The following MYRIP variants were observed in gnomAD, a reference collection of about 807,000 sequenced individuals.
MYRIP encodes myosin VIIA and Rab interacting protein, also known as rab effector MyRIP.
Under a neutral mutation model 98.0 loss-of-function variants are expected in MYRIP, and 49 were observed. The ratio of observed to expected loss-of-function variants is 0.50; its 90% CI spans 0.40 to 0.63. MYRIP has a LOEUF of 0.63. Among genes scored for constraint, MYRIP ranks in the 30% least tolerant of loss-of-function variants. The pLI is 0.00. For missense variants in MYRIP, 1,004 were observed against 1,058.2 expected (o/e 0.95, Z 0.71); for synonymous variants, 404 against 409.5 (o/e 0.99, Z 0.16).
intron 2 of MYRIP, among the ~76,000 whole-genome samples, chr3:40,042,843 C>G (rs374794366): frequency 6.6e-6 from 1 of 152,122 alleles, no homozygotes; most frequent in Non-Finnish European, 1.5e-5. Flanking sequence ...TAAACCTAAC[C>G]TACTGAACAT....
At chr3:40,237,204 C>T (rs543459989) in intron 12 of MYRIP, among the ~76,000 whole-genome samples, 1 of 152,250 alleles carries the variant, frequency 6.6e-6, no homozygotes, top group East Asian at 1.9e-4. Context: ...AAGTTGAAGA[C>T]TCTCTTCCTT....
chr3:40,191,599 T>C (rs754985310), intron 10 of MYRIP, among the ~76,000 whole-genome samples: 3 of 152,258 alleles, frequency 2.0e-5, no homozygotes, highest in African/African-American at 7.2e-5. Flanking sequence ...ATGAAGACAA[T>C]TGAGGACTCA....
At chr3:40,233,780 CATG>C in intron 11 of MYRIP, 76 bp from the exon 12 acceptor site, 1 of 1,330,690 alleles carries the variant, frequency 7.5e-7, no homozygotes, top group Non-Finnish European at 1.1e-6. Flanking sequence ...TGATGAGTGT[CATG>C]ATAACATAGA....
intron 1 of MYRIP, among the ~76,000 whole-genome samples, chr3:39,860,258 C>A (rs897001481): frequency 6.6e-6 from 1 of 152,176 alleles, no homozygotes; most frequent in Non-Finnish European, 1.5e-5. Context: ...CCTCTGGAAT[C>A]CTGGCAGCAG....
intron 3 of MYRIP, among the ~76,000 whole-genome samples, chr3:40,085,347 C>T (rs1270126316): frequency 1.3e-5 from 2 of 152,138 alleles, no homozygotes; most frequent in African/African-American, 4.8e-5. Context: ...AGTGCAGTGG[C>T]GCGATCTTGG....
chr3:40,060,476 G>T (rs1486186956), intron 3 of MYRIP, among the ~76,000 whole-genome samples: 1 of 152,010 alleles, frequency 6.6e-6, no homozygotes, highest in African/African-American at 2.4e-5. Flanking sequence ...TCTGTTGGTG[G>T]TTATTTTGCG....
At chr3:40,031,772 G>A (rs1041392118) in intron 2 of MYRIP, among the ~76,000 whole-genome samples, 1 of 152,140 alleles carries the variant, frequency 6.6e-6, no homozygotes, top group Non-Finnish European at 1.5e-5. Context: ...TAGTTTATTT[G>A]CGTAGAGGTG....
chr3:39,931,535 G>T (rs9858715), intron 2 of MYRIP, among the ~76,000 whole-genome samples: 56,173 of 151,300 alleles, frequency 0.37, 10,720 homozygotes, highest in East Asian at 0.46. Flanking sequence ...ACCTGTCCAG[G>T]ATCTCCAGTA....
At chr3:40,056,977 A>G (rs553794642) in intron 3 of MYRIP, among the ~76,000 whole-genome samples, 25 of 152,260 alleles carry the variant, frequency 1.6e-4, no homozygotes, top group Admixed American at 5.9e-4. Context: ...TCAGTACCTG[A>G]CATTTATGTG....
Position 40,233,758 on chromosome 3 carries a change from T to C in MYRIP, c.1906-101T>C. ...GGTGTTTGTGTGTGGAATTACAGAA[T>C]CAACCTCATGATGATGAGTGTCATG... On this transcript the variant is annotated intron_variant, in intron 11 of 16. Transcript: ENST00000302541. The C allele has an allele frequency of 3.6e-6, 4 of 1,112,966 alleles. No individual in the cohort carries two copies. In the South Asian group the frequency reaches 4.3e-5, roughly 12 times the overall value. The allele number at this position is 1,112,966 out of a possible 1,614,324, so 68.9% of individuals were successfully genotyped here. A position where few individuals can be genotyped will look rare whatever the true frequency, so the allele number is the denominator to read the frequency against.
chr3:40,184,850 C>A (rs748685306), intron 9 of MYRIP, among the ~76,000 whole-genome samples: 4 of 152,016 alleles, frequency 2.6e-5, no homozygotes, highest in Admixed American at 6.6e-5. Context: ...CATCACACAC[C>A]CAAAAAAAGA....
At chr3:40,238,357 C>A (rs1456427312) in intron 12 of MYRIP, among the ~76,000 whole-genome samples, 1 of 152,196 alleles carries the variant, frequency 6.6e-6, no homozygotes, top group Non-Finnish European at 1.5e-5. Flanking sequence ...GTGGGAGAAG[C>A]CAGGGCAGTT....
intron 16 of MYRIP, among the ~76,000 whole-genome samples, chr3:40,257,477 TATAA>T (rs1267370767): frequency 6.6e-6 from 1 of 152,214 alleles, no homozygotes; most frequent in Non-Finnish European, 1.5e-5. Flanking sequence ...AGCAGTAGGA[TATAA>T]ATAACTCTCA....
At chr3:40,178,759 A>G (rs1170527437) in intron 8 of MYRIP, among the ~76,000 whole-genome samples, 1 of 152,214 alleles carries the variant, frequency 6.6e-6, no homozygotes, top group Non-Finnish European at 1.5e-5. Context: ...CCACATAGCA[A>G]GAGGAGGAGC....
At chr3:39,995,386 G>A (rs1468861094) in intron 2 of MYRIP, among the ~76,000 whole-genome samples, 1 of 152,204 alleles carries the variant, frequency 6.6e-6, no homozygotes, top group Non-Finnish European at 1.5e-5. Flanking sequence ...ACTACATGAT[G>A]AATGCAGAAG....
intron 2 of MYRIP, among the ~76,000 whole-genome samples, chr3:40,038,274 A>G (rs1358042338): frequency 2.0e-5 from 3 of 152,162 alleles, no homozygotes; most frequent in Admixed American, 6.6e-5. Flanking sequence ...AGAGAGTTTT[A>G]TAGCCTTAAA....
intron 10 of MYRIP, among the ~76,000 whole-genome samples, chr3:40,198,177 T>G (rs1951451256): frequency 6.6e-6 from 1 of 152,024 alleles, no homozygotes; most frequent in Admixed American, 6.6e-5. Flanking sequence ...TATTTTAGAC[T>G]AAATACATTT....
At chr3:40,038,944 C>T (rs1479692195) in intron 2 of MYRIP, among the ~76,000 whole-genome samples, 1 of 152,130 alleles carries the variant, frequency 6.6e-6, no homozygotes, top group African/African-American at 2.4e-5. Flanking sequence ...AGAGAGGGGA[C>T]ATATGGGAAT....
intron 2 of MYRIP, among the ~76,000 whole-genome samples, chr3:39,912,186 A>G (rs1944038426): frequency 6.6e-6 from 1 of 152,028 alleles, no homozygotes; most frequent in South Asian, 2.1e-4. Context: ...TGTGGGCCTA[A>G]GACTTAGGAC....
Sources: gnomAD v4.1 joint callset for allele counts (sites outside exome capture counted in the v4.1 genomes callset) on GRCh38, gnomAD v4.1.1 for gene constraint, MANE v1.5 for transcripts, NCBI Gene and HGNC (gene_info 2026-07-23, HGNC 2026-07-21) for gene names.